Variants in MACROD2 observed in about 807,000 individuals in gnomAD.
MACROD2 encodes the protein mono-ADP ribosylhydrolase 2.
Under a neutral mutation model 70.4 loss-of-function variants are expected in MACROD2, and 36 were observed. The ratio of observed to expected loss-of-function variants is 0.51; its 90% CI spans 0.39 to 0.68. The LOEUF (loss-of-function observed/expected upper bound fraction) is 0.68. Ranked by LOEUF, MACROD2 falls within the 30% of genes least tolerant of loss-of-function variation. The pLI, the probability that MACROD2 is intolerant of heterozygous loss-of-function variation, is 0.00. For missense variants in MACROD2, 496 were observed against 538.4 expected, an observed-to-expected ratio of 0.92 and a Z score of 0.78; for synonymous variants, 172 against 178.8, an observed-to-expected ratio of 0.96 and a Z score of 0.30.
At chr20:14,300,973 C>A (rs2082469800) in intron 3 of MACROD2, among the ~76,000 whole-genome samples, 1 of 152,162 alleles carries the variant, frequency 6.6e-6, no homozygotes, top group East Asian at 1.9e-4. Context: ...TTAATAATAG[C>A]TAAGATATAT....
intron 6 of MACROD2, among the ~76,000 whole-genome samples, chr20:15,263,663 C>T (rs918644069): frequency 2.0e-5 from 3 of 152,066 alleles, no homozygotes; most frequent in Non-Finnish European, 2.9e-5. Context: ...AATCCATGAA[C>T]GTGGAATATC....
chr20:14,574,535 C>G (rs1380922510), intron 4 of MACROD2, among the ~76,000 whole-genome samples: 2 of 152,064 alleles, frequency 1.3e-5, no homozygotes, highest in Non-Finnish European at 2.9e-5. Flanking sequence ...TTCTGATGCT[C>G]TTTTCACTTG....
chr20:15,033,509 G>C (rs1164726604), intron 5 of MACROD2, among the ~76,000 whole-genome samples: 1 of 152,138 alleles, frequency 6.6e-6, no homozygotes, highest in Non-Finnish European at 1.5e-5. Context: ...TTATGACCCA[G>C]TTATTTGCTT....
At chr20:15,446,602 A>C (rs367822355) in intron 7 of MACROD2, among the ~76,000 whole-genome samples, 5 of 152,292 alleles carry the variant, frequency 3.3e-5, no homozygotes, top group Admixed American at 2.0e-4. Context: ...CAGGCATTCA[A>C]CCAAACTTGC....
intron 8 of MACROD2, among the ~76,000 whole-genome samples, chr20:15,757,521 C>A (rs1025328769): frequency 1.3e-5 from 2 of 152,048 alleles, no homozygotes; most frequent in Non-Finnish European, 2.9e-5. Context: ...TTGGAAGAAT[C>A]CAAAACTGAC....
chr20:15,440,393 A>G (rs1382431735), intron 7 of MACROD2, among the ~76,000 whole-genome samples: 4 of 152,168 alleles, frequency 2.6e-5, no homozygotes, highest in Non-Finnish European at 5.9e-5. Context: ...GCCTGTTTCT[A>G]TCAGATCACC....
At chr20:14,306,895 G>A (rs2082525295) in intron 3 of MACROD2, among the ~76,000 whole-genome samples, 1 of 152,036 alleles carries the variant, frequency 6.6e-6, no homozygotes, top group Non-Finnish European at 1.5e-5. Context: ...TAAGCTAGAG[G>A]AGCAAATGCC....
chr20:15,180,841 A>G (rs1254427519), intron 5 of MACROD2, among the ~76,000 whole-genome samples: 4 of 152,240 alleles, frequency 2.6e-5, no homozygotes, highest in South Asian at 2.1e-4. Context: ...CATAAAATTA[A>G]GAAAATGTGA....
At chr20:15,502,567 T>C (rs2047377824) in intron 8 of MACROD2, among the ~76,000 whole-genome samples, 1 of 152,160 alleles carries the variant, frequency 6.6e-6, no homozygotes, top group Non-Finnish European at 1.5e-5. Flanking sequence ...GAAAAGGATA[T>C]CTTATATTTA....
Position 15,039,888 on chromosome 20 carries a change from G to A in MACROD2, c.419-190052G>A, listed in dbSNP as rs997246098. On this transcript the variant is annotated intron_variant, in intron 5 of 17. Transcript: ENST00000684519. ...ATTATCAGAACCTAGTTGTTGTAAA[G>A]TTTTGGATGCTCCCAAAGTTTCTGG... Among the ~76,000 whole-genome samples, 3 of 152,216 alleles carry A rather than the reference G, an allele frequency of 2.0e-5. No homozygotes were observed. In the East Asian group the frequency reaches 5.8e-4, roughly 29 times the overall value.
intron 8 of MACROD2, among the ~76,000 whole-genome samples, chr20:15,541,686 C>G (rs2146568265): frequency 6.6e-6 from 1 of 152,278 alleles, no homozygotes; most frequent in South Asian, 2.1e-4. Context: ...TGAAAACATT[C>G]TTGTGAAAAC....
chr20:14,079,357 C>T (rs933521606), intron 2 of MACROD2, among the ~76,000 whole-genome samples: 2 of 152,128 alleles, frequency 1.3e-5, no homozygotes, highest in African/African-American at 4.8e-5. Context: ...AAACTGCTAA[C>T]GCAGGATAAA....
intron 15 of MACROD2, among the ~76,000 whole-genome samples, chr20:15,995,626 A>ACTCCCAAAGT (rs1307229821): frequency 3.1e-5 from 4 of 130,034 alleles, no homozygotes; most frequent in African/African-American, 1.1e-4. Flanking sequence ...CTGGGATTAC[A>ACTCCCAAAGT]GGCATGAGCC....
At chr20:15,907,219 A>G (rs1468471950) in intron 10 of MACROD2, among the ~76,000 whole-genome samples, 1 of 152,040 alleles carries the variant, frequency 6.6e-6, no homozygotes, top group Non-Finnish European at 1.5e-5. Context: ...GTGGATCACA[A>G]TTTGAGATAT....
chr20:14,670,739 A>G (rs1002754865), intron 4 of MACROD2, among the ~76,000 whole-genome samples: 1 of 152,096 alleles, frequency 6.6e-6, no homozygotes, highest in African/African-American at 2.4e-5. Flanking sequence ...CTCTCATTGA[A>G]TGAGAAGTAG....
intron 5 of MACROD2, among the ~76,000 whole-genome samples, chr20:14,872,337 A>G (rs1019571880): frequency 1.3e-5 from 2 of 152,068 alleles, no homozygotes; most frequent in Non-Finnish European, 2.9e-5. Context: ...TTTTTCCCAC[A>G]TTGCTATTGC....
At chr20:14,280,147 C>G (rs913649920) in intron 3 of MACROD2, among the ~76,000 whole-genome samples, 4 of 152,026 alleles carry the variant, frequency 2.6e-5, no homozygotes, top group Admixed American at 2.6e-4. Context: ...TTATCACATA[C>G]AGAAAAACAT....
Position 15,625,098 on chromosome 20 carries a change from G to A in MACROD2, c.645+125251G>A, listed in dbSNP as rs561532797. Among the ~76,000 whole-genome samples the A allele has an allele frequency of 5.9e-5, 9 of 152,234 alleles. No homozygotes were observed. The East Asian group carries it at 1.7e-3, about 29-fold the overall frequency. On this transcript the variant is annotated intron_variant, in intron 8 of 17. Coordinates refer to ENST00000684519, the MANE Select transcript of MACROD2 (RefSeq NM_001351661.2). ...TTAAATATATGGAATGTCAGCAAAA[G>A]CCTCCTGTTAGCAGTAGCTGAATCT...
chr20:14,634,632 G>A (rs1485908657), intron 4 of MACROD2, among the ~76,000 whole-genome samples: 2 of 149,402 alleles, frequency 1.3e-5, no homozygotes, highest in Middle Eastern at 6.8e-3. Context: ...GACTTCCTGA[G>A]AGAGTTTTAC....
Sources: gnomAD v4.1 joint callset for allele counts (sites outside exome capture counted in the v4.1 genomes callset) on GRCh38, gnomAD v4.1.1 for gene constraint, MANE v1.5 for transcripts, NCBI Gene and HGNC (gene_info 2026-07-23, HGNC 2026-07-21) for gene names.